Variants in SYT1 observed in about 807,000 individuals in gnomAD.
SYT1 encodes the protein synaptotagmin-1.
Under a neutral mutation model 44.8 loss-of-function variants are expected in SYT1, and 8 were observed. The ratio of observed to expected loss-of-function variants is 0.18; its 90% CI spans 0.10 to 0.32. The LOEUF (loss-of-function observed/expected upper bound fraction) is 0.32. SYT1 is among the 10% of genes least tolerant of loss of function. The pLI, the probability that SYT1 is intolerant of heterozygous loss-of-function variation, is 1.00. For missense variants in SYT1, 286 were observed against 509.3 expected (o/e 0.56, Z 4.22); for synonymous variants, 154 against 188.8 (o/e 0.82, Z 1.51).
chr12:79,141,790 A>G (rs1869574472), intron 3 of SYT1, among the ~76,000 whole-genome samples: 1 of 152,002 alleles, frequency 6.6e-6, no homozygotes, highest in Admixed American at 6.6e-5. Flanking sequence ...TGCTCCCACA[A>G]TTTTTTTCTG....
intron 1 of SYT1, among the ~76,000 whole-genome samples, chr12:78,948,899 C>A (rs1878810864): frequency 6.6e-6 from 1 of 151,176 alleles, no homozygotes; most frequent in Admixed American, 6.6e-5. Context: ...ATGTAAGTTT[C>A]TTACAGAAGC....
intron 8 of SYT1, among the ~76,000 whole-genome samples, chr12:79,317,551 C>A (rs1440951778): frequency 1.3e-5 from 2 of 152,106 alleles, no homozygotes; most frequent in African/African-American, 4.8e-5. Context: ...GGACATTGCA[C>A]AGTGGGAGAA....
chr12:78,996,956 A>G (rs1236331168), intron 2 of SYT1, among the ~76,000 whole-genome samples: 2 of 152,202 alleles, frequency 1.3e-5, no homozygotes, highest in African/African-American at 4.8e-5. Context: ...TTTTATCAAA[A>G]AAGACACTGG....
At chr12:79,025,589 G>A (rs1354332789) in intron 2 of SYT1, among the ~76,000 whole-genome samples, 1 of 151,306 alleles carries the variant, frequency 6.6e-6, no homozygotes. Context: ...GATATCTTAG[G>A]CATACACACA....
intron 2 of SYT1, among the ~76,000 whole-genome samples, chr12:78,992,522 T>C (rs1870088703): frequency 6.6e-6 from 1 of 152,242 alleles, no homozygotes; most frequent in Admixed American, 6.5e-5. Context: ...TAGTATTGCT[T>C]TGTGAAACTT....
intron 8 of SYT1, among the ~76,000 whole-genome samples, chr12:79,344,040 A>T (rs1437250379): frequency 6.6e-6 from 1 of 152,262 alleles, no homozygotes; most frequent in Non-Finnish European, 1.5e-5. Flanking sequence ...AAGTAAAATC[A>T]TGGAAATATA....
At chr12:78,876,611 ATACACATATGTATATACACACGTG>A (rs1326592694) in intron 1 of SYT1, among the ~76,000 whole-genome samples, 14 of 138,806 alleles carry the variant, frequency 1.0e-4, no homozygotes, top group African/African-American at 2.9e-4. Context: ...ATGTAAATAT[ATACACATATGTATATACACACGTG>A]TACACATATG....
intron 2 of SYT1, among the ~76,000 whole-genome samples, chr12:79,026,240 C>T (rs931294820): frequency 1.3e-5 from 2 of 151,592 alleles, no homozygotes; most frequent in Admixed American, 1.3e-4. Flanking sequence ...ACTTGTTGGG[C>T]ATAGAAATTA....
chr12:79,337,329 C>T (rs1458206191), intron 8 of SYT1, among the ~76,000 whole-genome samples: 1 of 152,160 alleles, frequency 6.6e-6, no homozygotes, highest in African/African-American at 2.4e-5. Flanking sequence ...TGGGTAATGA[C>T]ATCTCCAAAT....
intron 3 of SYT1, among the ~76,000 whole-genome samples, chr12:79,108,946 G>A (rs1878864863): frequency 6.6e-6 from 1 of 152,062 alleles, no homozygotes; most frequent in Admixed American, 6.6e-5. Context: ...GTAACGTTGC[G>A]GGAACTTTTC....
chr12:79,122,947 G>A (rs1404257956), intron 3 of SYT1, among the ~76,000 whole-genome samples: 1 of 152,132 alleles, frequency 6.6e-6, no homozygotes, highest in Admixed American at 6.6e-5. Flanking sequence ...ATTTTTAAAA[G>A]CAGTTTCACT....
intron 8 of SYT1, among the ~76,000 whole-genome samples, chr12:79,306,727 T>C (rs753924504): frequency 1.3e-5 from 2 of 152,242 alleles, no homozygotes; most frequent in Non-Finnish European, 2.9e-5. Flanking sequence ...AGTTTTCAGC[T>C]GAATTTTAAA....
At chr12:78,928,423 A>G (rs1000800405) in intron 1 of SYT1, among the ~76,000 whole-genome samples, 1 of 152,196 alleles carries the variant, frequency 6.6e-6, no homozygotes, top group African/African-American at 2.4e-5. Flanking sequence ...TCATGAATAG[A>G]AGACTCATTC....
chr12:79,088,241 T>G (rs148785056), intron 3 of SYT1, among the ~76,000 whole-genome samples: 30 of 152,074 alleles, frequency 2.0e-4, no homozygotes, highest in African/African-American at 7.2e-4. Context: ...TAGCCAGTTA[T>G]TATTACTAGT....
intron 8 of SYT1, among the ~76,000 whole-genome samples, chr12:79,305,604 G>A (rs1183969520): frequency 6.6e-6 from 1 of 152,122 alleles, no homozygotes; most frequent in Non-Finnish European, 1.5e-5. Context: ...AAACAGGGAA[G>A]GAAGGGAACT....
chr12:78,912,438 C>T (rs1220126319), intron 1 of SYT1, among the ~76,000 whole-genome samples: 7 of 151,668 alleles, frequency 4.6e-5, no homozygotes, highest in African/African-American at 2.4e-5. Context: ...AAGGCTGAGA[C>T]GTGGTGGAGA....
At chr12:79,361,812 G>T (rs1883326352) in intron 9 of SYT1, among the ~76,000 whole-genome samples, 2 of 152,160 alleles carry the variant, frequency 1.3e-5, no homozygotes, top group Admixed American at 6.5e-5. Flanking sequence ...GTAGAAGAGA[G>T]TCCAAGTTTA....
At chr12:78,881,147 A>G (rs1874431412) in intron 1 of SYT1, among the ~76,000 whole-genome samples, 1 of 151,538 alleles carries the variant, frequency 6.6e-6, no homozygotes, top group African/African-American at 2.4e-5. Flanking sequence ...TCTCATTCCT[A>G]TATACCCATT....
At chr12:79,022,917 T>C (rs1050585902) in intron 2 of SYT1, among the ~76,000 whole-genome samples, 11 of 151,774 alleles carry the variant, frequency 7.2e-5, no homozygotes, top group African/African-American at 2.7e-4. Flanking sequence ...TGTACCTTAG[T>C]TTTAGTGCTA....
Sources: gnomAD v4.1 joint callset for allele counts (sites outside exome capture counted in the v4.1 genomes callset) on GRCh38, gnomAD v4.1.1 for gene constraint, MANE v1.5 for transcripts, NCBI Gene and HGNC (gene_info 2026-07-23, HGNC 2026-07-21) for gene names.